The following RGS7 variants were observed in gnomAD, a reference collection of about 807,000 sequenced individuals.
RGS7 encodes the protein regulator of G protein signaling 7, also known as regulator of G-protein signaling 7.
A neutral mutation model predicts 81.1 loss-of-function variants in RGS7; 27 were observed. The ratio of observed to expected loss-of-function variants is 0.33; its 90% CI spans 0.25 to 0.46. The LOEUF (loss-of-function observed/expected upper bound fraction) is 0.46, where lower values mean the gene tolerates loss of function less well. Ranked by LOEUF, RGS7 falls within the 20% of genes least tolerant of loss-of-function variation. The pLI, the probability that RGS7 is intolerant of heterozygous loss-of-function variation, is 1.00. For missense variants in RGS7, 396 were observed against 607.4 expected, an observed-to-expected ratio of 0.65 and a Z score of 3.66; for synonymous variants, 208 against 207.7, an observed-to-expected ratio of 1.00 and a Z score of -0.01.
At chr1:241,250,641 C>T (rs546777896) in intron 2 of RGS7, among the ~76,000 whole-genome samples, 7 of 152,346 alleles carry the variant, frequency 4.6e-5, no homozygotes, top group African/African-American at 1.7e-4. Flanking sequence ...CATCCATACT[C>T]AGGTAAGCAC....
chr1:240,970,508 T>C (rs1683029086), intron 4 of RGS7, among the ~76,000 whole-genome samples: 1 of 151,818 alleles, frequency 6.6e-6, no homozygotes, highest in Admixed American at 6.6e-5. Flanking sequence ...TGTGGCTAGC[T>C]TCTAGGTTAA....
At chr1:241,093,486 T>C (rs1163947656) in intron 3 of RGS7, among the ~76,000 whole-genome samples, 1 of 152,210 alleles carries the variant, frequency 6.6e-6, no homozygotes, top group Non-Finnish European at 1.5e-5. Flanking sequence ...ATTTGATCAA[T>C]GTTCATTGCA....
chr1:241,126,909 A>G (rs1292539019), intron 2 of RGS7, among the ~76,000 whole-genome samples: 1 of 151,720 alleles, frequency 6.6e-6, no homozygotes, highest in Non-Finnish European at 1.5e-5. Context: ...TCACCATACT[A>G]TTGTTCACTT....
Position 240,775,887 on chromosome 1 carries a change from G to GAAAA in RGS7, c.*329_*332dup. Reference sequence around the variant, plus strand: ...TGAGAGAGAGAGAGAGAGAAAGAAGGAAAAAAAGAAAAGGTTTTACTTCAC... The same window carrying GAAAA: ...TGAGAGAGAGAGAGAGAGAAAGAAGGAAAAAAAAAAAGAAAAGGTTTTACTTCAC... On this transcript the variant is annotated 3_prime_UTR_variant, in exon 19 of 19. Transcript: ENST00000440928. 2.5e-6 allele frequency: 1 copy of GAAAA among 398,152 alleles called. No individual in the cohort carries two copies. Among genetic ancestry groups the GAAAA allele is most frequent in the South Asian group, 3.1e-5 (1 of 31,856 alleles). The allele number at this position is 398,152 out of a possible 1,614,324, so 24.7% of individuals were successfully genotyped here.
intron 3 of RGS7, among the ~76,000 whole-genome samples, chr1:241,031,876 T>C (rs2060100824): frequency 6.6e-6 from 1 of 152,256 alleles, no homozygotes; most frequent in Non-Finnish European, 1.5e-5. Flanking sequence ...ATTCTAGATA[T>C]TAGTGCTTTG....
At chr1:241,228,261 A>G (rs867163420) in intron 2 of RGS7, among the ~76,000 whole-genome samples, 8 of 152,350 alleles carry the variant, frequency 5.3e-5, no homozygotes, top group Middle Eastern at 3.4e-3. Flanking sequence ...AAATCATTGT[A>G]GAAGTGATCT....
intron 6 of RGS7, among the ~76,000 whole-genome samples, chr1:240,883,019 G>A (rs1204208626): frequency 6.6e-6 from 1 of 152,136 alleles, no homozygotes; most frequent in Non-Finnish European, 1.5e-5. Flanking sequence ...GCAACAGTTT[G>A]CTGAGAATGA....
At chr1:241,045,978 T>A (rs1242902446) in intron 3 of RGS7, among the ~76,000 whole-genome samples, 2 of 151,736 alleles carry the variant, frequency 1.3e-5, no homozygotes, top group Non-Finnish European at 2.9e-5. Context: ...TGTGCCCTGG[T>A]CTATGGAAAG....
chr1:240,814,242 GAATAT>G (rs1690395604), intron 12 of RGS7, among the ~76,000 whole-genome samples: 1 of 152,166 alleles, frequency 6.6e-6, no homozygotes. Context: ...CAAAAGTGAA[GAATAT>G]GAATGGCATT....
rs76419318 is a variant in RGS7 at position 240,988,442 on chromosome 1, G to A, written c.176-5313C>T. Among the ~76,000 whole-genome samples, 1,261 of 152,034 alleles carry A rather than the reference G, an allele frequency of 8.3e-3. 17 individuals carry two copies. Among genetic ancestry groups the A allele is most frequent in the African/African-American group, 0.029 (1,197 of 41,450 alleles). ...AAAACACTGCAGAATTTCAGTTTAA[G>A]TTAAAACACTGCAGACTTTCTGTTT... On this transcript the variant is annotated intron_variant, in intron 3 of 18. Coordinates refer to ENST00000440928, the MANE Select transcript of RGS7 (RefSeq NM_001364886.1).
intron 3 of RGS7, among the ~76,000 whole-genome samples, chr1:240,985,032 T>G (rs1394410009): frequency 6.6e-6 from 1 of 152,160 alleles, no homozygotes; most frequent in Non-Finnish European, 1.5e-5. Flanking sequence ...CTAAAACAGC[T>G]CTAAGGGTCA....
At chr1:240,840,908 C>A (rs1293115980) in intron 9 of RGS7, among the ~76,000 whole-genome samples, 1 of 151,982 alleles carries the variant, frequency 6.6e-6, no homozygotes, top group Admixed American at 6.6e-5. Context: ...ATTAAAAATA[C>A]AAAATGAGTT....
chr1:240,862,925 A>ATGTG (rs150023240), intron 9 of RGS7, among the ~76,000 whole-genome samples: 1,702 of 144,622 alleles, frequency 0.012, 34 homozygotes, highest in African/African-American at 0.037. Flanking sequence ...TAAACTAAAT[A>ATGTG]TGTGTGTGTG....
At chr1:240,853,746 C>G (rs1660537477) in intron 9 of RGS7, among the ~76,000 whole-genome samples, 1 of 151,430 alleles carries the variant, frequency 6.6e-6, no homozygotes, top group African/African-American at 2.4e-5. Context: ...ACTAAAAATA[C>G]AAAAAATTAG....
intron 6 of RGS7, chr1:240,919,809 T>C (rs1255379333): frequency 1.3e-6 from 1 of 742,664 alleles, no homozygotes; most frequent in African/African-American, 1.7e-5. Context: ...CATCAAGAGC[T>C]CCATGGGCTT....
At chr1:241,068,282 A>G (rs981702566) in intron 3 of RGS7, among the ~76,000 whole-genome samples, 4 of 140,494 alleles carry the variant, frequency 2.8e-5, no homozygotes, top group Non-Finnish European at 3.1e-5. Context: ...ATATAATATT[A>G]CGTGTATAAT....
intron 10 of RGS7, 27 bp downstream of exon 10, chr1:240,827,071 G>T: frequency 6.3e-7 from 1 of 1,579,226 alleles, no homozygotes; most frequent in African/African-American, 1.3e-5. Context: ...CCATCACCAA[G>T]ATCAGCACAA....
rs150658800 is a variant in RGS7, at chr1:240,855,172, T to C, written c.609+13415A>G. On this transcript the variant is annotated intron_variant, in intron 9 of 18. Coordinates refer to ENST00000440928, the MANE Select transcript of RGS7 (RefSeq NM_001364886.1). ...TAAACAAAATTGGGATCATATTACA[T>C]ATAACCTTTTTTTGGATGGTAGAAT... Among the ~76,000 whole-genome samples, 1,466 of 151,980 alleles carry C rather than the reference T, an allele frequency of 9.6e-3. 13 individuals are homozygous for C. Among genetic ancestry groups the C allele is most frequent in the Non-Finnish European group, 0.015 (1,036 of 67,958 alleles).
chr1:241,330,089 G>A (rs989503428), intron 2 of RGS7, among the ~76,000 whole-genome samples: 2 of 152,038 alleles, frequency 1.3e-5, no homozygotes, highest in African/African-American at 4.8e-5. Flanking sequence ...ACAGGTGCCC[G>A]GCACCACACT....
Sources: allele counts gnomAD v4.1 joint callset (sites outside exome capture counted in the v4.1 genomes callset), GRCh38; gene constraint gnomAD v4.1.1; transcripts MANE v1.5; gene names NCBI Gene and HGNC (gene_info 2026-07-23, HGNC 2026-07-21).